Variants in RERE observed in about 807,000 individuals in gnomAD.
RERE encodes the protein arginine-glutamic acid dipeptide repeats protein.
In RERE, 40 loss-of-function variants were observed where a neutral mutation model predicts 146.1. The ratio of observed to expected loss-of-function variants is 0.27; its 90% CI spans 0.21 to 0.36. RERE has a LOEUF of 0.36. RERE is among the 10% of genes least tolerant of loss of function. The pLI is 1.00. For missense variants in RERE, 1,933 were observed against 2,138.7 expected (o/e 0.90, Z 1.90); for synonymous variants, 1,003 against 866.0 (o/e 1.16, Z -2.78).
At position 8,353,679 on chromosome 1, in the gene RERE, G is replaced by A. The variant is rs905455595; in HGVS notation, c.*1408C>T. 3 of 152,256 alleles carry A rather than the reference G, an allele frequency of 2.0e-5. No individual in the cohort carries two copies. The highest frequency in any genetic ancestry group is 7.2e-5 in the African/African-American group (3 of 41,442). 9.4% of individuals were successfully genotyped at this position (152,256 alleles called of 1,614,324 possible). On this transcript the variant is annotated 3_prime_UTR_variant, in exon 23 of 23. Coordinates refer to ENST00000400908, the MANE Select transcript of RERE (RefSeq NM_001042681.2). ...CGCTCAGAAGGGCCTGGCCTCCTGA[G>A]AAGCAGCCCCCACACAGCATGCTTT...
chr1:8,796,289 C>CT (rs1490757608), intron 1 of RERE, among the ~76,000 whole-genome samples: 3 of 152,118 alleles, frequency 2.0e-5, no homozygotes, highest in Non-Finnish European at 4.4e-5. Context: ...CATCCACAGG[C>CT]TAAGTTAAAT....
In RERE at chr1:8,356,480, C is replaced by T. The variant is rs924086779; in HGVS notation, c.4340-234G>A. Among the ~76,000 whole-genome samples, 3 of 152,126 alleles carry T rather than the reference C, an allele frequency of 2.0e-5. No homozygotes were observed. Among genetic ancestry groups the T allele is most frequent in the Admixed American group, 6.5e-5 (1 of 15,278 alleles). ...CCCACCGCTGATGCAGGCACTCCCTCGTCCGCTTGTGGAGTGCCCCTAACA... is the reference window on the plus strand; with the variant it reads ...CCCACCGCTGATGCAGGCACTCCCTTGTCCGCTTGTGGAGTGCCCCTAACA... On this transcript the variant is annotated intron_variant, in intron 20 of 22. Coordinates refer to ENST00000400908, the MANE Select transcript of RERE (RefSeq NM_001042681.2). The surrounding 1 kb of genome is among the most constrained non-coding windows in gnomAD (Gnocchi z 5.2).
chr1:8,615,401 A>G (rs1646841083), intron 3 of RERE, among the ~76,000 whole-genome samples: 1 of 152,260 alleles, frequency 6.6e-6, no homozygotes, highest in East Asian at 1.9e-4. Flanking sequence ...TCTTTTTAAA[A>G]TTAACTTTGA....
chr1:8,584,487 C>T (rs1646403752), intron 4 of RERE, among the ~76,000 whole-genome samples: 1 of 152,148 alleles, frequency 6.6e-6, no homozygotes, highest in Non-Finnish European at 1.5e-5. Flanking sequence ...TTTGAGGTTA[C>T]AGTGAGCTAT....
At chr1:8,701,748 A>G (rs917069437) in intron 1 of RERE, among the ~76,000 whole-genome samples, 6 of 152,182 alleles carry the variant, frequency 3.9e-5, no homozygotes, top group Admixed American at 3.3e-4. Context: ...CACTGGTCCC[A>G]GGGATCTTTA....
chr1:8,743,189 A>T (rs1640346434), intron 1 of RERE, among the ~76,000 whole-genome samples: 1 of 152,084 alleles, frequency 6.6e-6, no homozygotes, highest in Admixed American at 6.6e-5. Flanking sequence ...TGAGGCCAGG[A>T]GTTTGAGACC....
At chr1:8,666,474 A>T (rs1340022119) in intron 1 of RERE, among the ~76,000 whole-genome samples, 1 of 152,206 alleles carries the variant, frequency 6.6e-6, no homozygotes, top group Non-Finnish European at 1.5e-5. Context: ...GCAGAAAACC[A>T]AACAGGCACC....
At chr1:8,413,338 A>G (rs1010216782) in intron 12 of RERE, among the ~76,000 whole-genome samples, 4 of 152,106 alleles carry the variant, frequency 2.6e-5, no homozygotes, top group African/African-American at 9.7e-5. Flanking sequence ...ATAAATTTTA[A>G]TTTTGTTTTT....
At chr1:8,494,510 A>C (rs1375975083) in intron 10 of RERE, among the ~76,000 whole-genome samples, 1 of 152,106 alleles carries the variant, frequency 6.6e-6, no homozygotes, top group Non-Finnish European at 1.5e-5. Flanking sequence ...GAGGATCACA[A>C]GGTCAGGAGA....
intron 16 of RERE, among the ~76,000 whole-genome samples, chr1:8,362,362 C>T (rs1641611872): frequency 6.6e-6 from 1 of 152,150 alleles, no homozygotes. Flanking sequence ...GCGGTGGAGG[C>T]TCTGGAGCCA....
intron 1 of RERE, among the ~76,000 whole-genome samples, chr1:8,751,272 G>C (rs1397699343): frequency 1.3e-5 from 2 of 152,038 alleles, no homozygotes; most frequent in African/African-American, 4.8e-5. Flanking sequence ...CCTGCTACTG[G>C]AAAAAACACT....
At chr1:8,811,868 T>C (rs1165709532) in intron 1 of RERE, among the ~76,000 whole-genome samples, 2 of 152,202 alleles carry the variant, frequency 1.3e-5, no homozygotes, top group African/African-American at 4.8e-5. Context: ...ACACACAGCC[T>C]GGACATTCAT....
chr1:8,791,735 A>G (rs1641366640), intron 1 of RERE, among the ~76,000 whole-genome samples: 1 of 152,214 alleles, frequency 6.6e-6, no homozygotes, highest in Non-Finnish European at 1.5e-5. Context: ...TTCAAACTAA[A>G]CACATAGCTC....
chr1:8,674,597 T>C (rs1421410019), intron 1 of RERE, among the ~76,000 whole-genome samples: 1 of 152,186 alleles, frequency 6.6e-6, no homozygotes, highest in Non-Finnish European at 1.5e-5. Flanking sequence ...TTCCATCTCA[T>C]ATAGTGTAAA....
At chr1:8,530,630 A>C (rs900536964) in intron 7 of RERE, among the ~76,000 whole-genome samples, 3 of 147,790 alleles carry the variant, frequency 2.0e-5, no homozygotes, top group Admixed American at 2.0e-4. Context: ...TTTAAATTTC[A>C]TTTACTAATT....
At chr1:8,647,641 A>ATGTGTGTGTGTGTG (rs1553127411) in intron 2 of RERE, among the ~76,000 whole-genome samples, 181 of 148,630 alleles carry the variant, frequency 1.2e-3, no homozygotes, top group African/African-American at 4.1e-3. Context: ...TAAAATATGT[A>ATGTGTGTGTGTGTG]TGTGTGTGTG....
In RERE at chr1:8,541,307, T is replaced by C; in HGVS notation, c.737A>G (p.Asn246Ser). ...AAATATGTCAGAAAAATGGGAGATGTTACACTTCCCTCTGGGAAAAAGAGA... is the reference window on the plus strand; with the variant it reads ...AAATATGTCAGAAAAATGGGAGATGCTACACTTCCCTCTGGGAAAAAGAGA... ...YHAAALRGKCNISHFSDIFAA... is the reference protein window; with the variant it reads ...YHAAALRGKCSISHFSDIFAA... The change falls in exon 7 of 23, where the codon AAC becomes AGC. Residue 246 changes from asparagine to serine, a missense_variant. By Grantham distance (46) the Asn-to-Ser change is conservative (BLOSUM62 1). Transcript: ENST00000400908. The C allele has an allele frequency of 6.2e-7, 1 of 1,605,224 alleles. No individual in the cohort carries two copies. Among genetic ancestry groups the C allele is most frequent in the Non-Finnish European group, 8.5e-7 (1 of 1,173,676 alleles).
At chr1:8,477,554 A>G (rs1379169280) in intron 10 of RERE, among the ~76,000 whole-genome samples, 1 of 152,228 alleles carries the variant, frequency 6.6e-6, no homozygotes, top group Non-Finnish European at 1.5e-5. Flanking sequence ...AGGATGACAT[A>G]AAAACCACAG....
chr1:8,647,842 A>T (rs1647400653), intron 2 of RERE, among the ~76,000 whole-genome samples: 1 of 152,184 alleles, frequency 6.6e-6, no homozygotes, highest in African/African-American at 2.4e-5. Context: ...CAGTAGCTAA[A>T]TGTTAGGACC....
Sources: allele counts gnomAD v4.1 joint callset (sites outside exome capture counted in the v4.1 genomes callset), GRCh38; gene constraint gnomAD v4.1.1; non-coding constraint Gnocchi (gnomAD v3.1); transcripts MANE v1.5; gene names NCBI Gene and HGNC (gene_info 2026-07-23, HGNC 2026-07-21).